Variants in VTI1A observed in about 807,000 individuals in gnomAD.
VTI1A encodes the protein vesicle transport through interaction with t-SNAREs homolog 1A.
VTI1A carries 22 observed loss-of-function variants against 34.9 expected under a neutral mutation model. That is an observed-to-expected ratio of 0.63 (90% CI 0.45 to 0.90). The LOEUF is 0.90. Ranked by LOEUF, VTI1A falls within the 40% of genes least tolerant of loss-of-function variation. The pLI, the probability that VTI1A is intolerant of heterozygous loss-of-function variation, is 0.00. For missense variants in VTI1A, 268 were observed against 275.6 expected (o/e 0.97, Z 0.20); for synonymous variants, 87 against 97.3 (o/e 0.89, Z 0.62).
At chr10:112,494,026 G>A (rs560698756) in intron 3 of VTI1A, among the ~76,000 whole-genome samples, 1 of 152,214 alleles carries the variant, frequency 6.6e-6, no homozygotes, top group East Asian at 1.9e-4. Flanking sequence ...ATTTTGTGTA[G>A]GGTTGTTTAT....
chr10:112,609,341 C>G (rs1463136168), intron 5 of VTI1A, among the ~76,000 whole-genome samples: 2 of 152,140 alleles, frequency 1.3e-5, no homozygotes, highest in Non-Finnish European at 2.9e-5. Context: ...AGCTTTGGAA[C>G]AAGATCATTA....
At position 112,637,066 on chromosome 10, in the gene VTI1A, T is replaced by C. The variant is rs1019305894; in HGVS notation, c.428-31152T>C. On this transcript the variant is annotated intron_variant, in intron 5 of 7. Coordinates refer to ENST00000393077, the MANE Select transcript of VTI1A (RefSeq NM_145206.4). The stretch of plus-strand genomic sequence containing the variant: ...AGACAGATATATTTAACTTAAATAA[T>C]GACATGAAGGCTTTTTTGAATGGTT... Among the ~76,000 whole-genome samples, 16 of 152,354 alleles carry C rather than the reference T, an allele frequency of 1.1e-4. 1 individual carries two copies. The East Asian group carries it at 3.1e-3, about 29-fold the overall frequency.
chr10:112,472,921 C>G (rs2134075629), intron 3 of VTI1A, among the ~76,000 whole-genome samples: 1 of 151,052 alleles, frequency 6.6e-6, no homozygotes, highest in East Asian at 1.9e-4. Context: ...TTGTTTGATT[C>G]TGTGTAAATA....
At chr10:112,580,080 T>A (rs1000441958) in intron 5 of VTI1A, among the ~76,000 whole-genome samples, 3 of 152,086 alleles carry the variant, frequency 2.0e-5, no homozygotes, top group African/African-American at 7.2e-5. Context: ...AGATCCCTGA[T>A]CATGTGTTGG....
intron 7 of VTI1A, among the ~76,000 whole-genome samples, chr10:112,719,487 A>G (rs375858625): frequency 6.6e-6 from 1 of 151,974 alleles, no homozygotes; most frequent in African/African-American, 2.4e-5. Flanking sequence ...AAAATGTACA[A>G]TTCAGTAGCT....
chr10:112,576,081 C>T (rs1843699208), intron 5 of VTI1A, among the ~76,000 whole-genome samples: 1 of 141,878 alleles, frequency 7.0e-6, no homozygotes, highest in South Asian at 2.2e-4. Flanking sequence ...ACTGCAGTGG[C>T]GCTATCTCGG....
intron 7 of VTI1A, among the ~76,000 whole-genome samples, chr10:112,692,942 G>A (rs563058122): frequency 6.6e-6 from 1 of 152,292 alleles, no homozygotes; most frequent in East Asian, 1.9e-4. Context: ...AGTAAATCTG[G>A]TGCCTTGTGC....
chr10:112,802,189 G>A (rs1013903390), intron 7 of VTI1A, among the ~76,000 whole-genome samples: 2 of 152,202 alleles, frequency 1.3e-5, no homozygotes, highest in East Asian at 3.8e-4. Context: ...AGGCTGTGGT[G>A]AGCAGTGCCA....
the VTI1A span, among the ~76,000 whole-genome samples, chr10:112,852,906 G>A: frequency 1.3e-5 from 2 of 152,208 alleles, no homozygotes; most frequent in African/African-American, 4.8e-5. Flanking sequence ...AGCCTCCCGA[G>A]TAAGTGGGAC....
chr10:112,771,961 A>G (rs1034313658), intron 7 of VTI1A, among the ~76,000 whole-genome samples: 5 of 152,216 alleles, frequency 3.3e-5, no homozygotes, highest in Non-Finnish European at 5.9e-5. Context: ...TCTTCAGCCA[A>G]TGGACATTTA....
chr10:112,635,867 A>G (rs892186292), intron 5 of VTI1A, among the ~76,000 whole-genome samples: 1 of 152,222 alleles, frequency 6.6e-6, no homozygotes, highest in Admixed American at 6.5e-5. Flanking sequence ...ATTCATGCCC[A>G]CTGAATTTAA....
At chr10:112,535,389 G>T (rs1246264175) in intron 4 of VTI1A, among the ~76,000 whole-genome samples, 1 of 152,130 alleles carries the variant, frequency 6.6e-6, no homozygotes, top group Non-Finnish European at 1.5e-5. Context: ...AGTAATCATA[G>T]AGAGAATGTT....
chr10:112,651,624 A>G (rs1186472883), intron 5 of VTI1A, among the ~76,000 whole-genome samples: 1 of 152,198 alleles, frequency 6.6e-6, no homozygotes, highest in East Asian at 1.9e-4. Context: ...TAGCCCTTCT[A>G]GTAGTTGATG....
chr10:112,473,077 A>G (rs116212005), intron 3 of VTI1A, among the ~76,000 whole-genome samples: 1,545 of 148,692 alleles, frequency 0.01, 25 homozygotes, highest in African/African-American at 0.035. Context: ...GTTTCATTTT[A>G]CATAACAATG....
rs1022752517 is a variant in VTI1A, at chr10:112,646,807, G to A, written c.428-21411G>A. 2.1e-4 allele frequency among the ~76,000 whole-genome samples: 32 copies of A among 152,028 alleles called. 1 individual carries two copies. The highest frequency in any genetic ancestry group is 1.8e-3 in the Admixed American group (27 of 15,262). The stretch of plus-strand genomic sequence containing the variant: ...ATTACAGGTGTGAGCCACCGCGCCC[G>A]GCTACCATGTTCTTTTGTTAGTTGA... On this transcript the variant is annotated intron_variant, in intron 5 of 7. Transcript: ENST00000393077.
At chr10:112,709,682 C>CA (rs557189298) in intron 7 of VTI1A, among the ~76,000 whole-genome samples, 3 of 70,256 alleles carry the variant, frequency 4.3e-5, no homozygotes, top group Non-Finnish European at 7.8e-5. Flanking sequence ...CTCTATGTGG[C>CA]TTTTTTTTTT....
At chr10:112,622,625 T>C (rs1845776332) in intron 5 of VTI1A, among the ~76,000 whole-genome samples, 1 of 152,212 alleles carries the variant, frequency 6.6e-6, no homozygotes, top group South Asian at 2.1e-4. Flanking sequence ...CATCAATTCC[T>C]ATAATTTAGA....
chr10:112,653,094 A>G (rs112122443), intron 5 of VTI1A, among the ~76,000 whole-genome samples: 9,576 of 152,250 alleles, frequency 0.063, 1,021 homozygotes, highest in African/African-American at 0.22. Context: ...TCCATTTGTT[A>G]CTTGGTGTAC....
chr10:112,770,543 C>A (rs1479037461), intron 7 of VTI1A, among the ~76,000 whole-genome samples: 1 of 151,382 alleles, frequency 6.6e-6, no homozygotes, highest in Non-Finnish European at 1.5e-5. Context: ...CTACAGGCGC[C>A]TGTCACCACG....
Sources: allele counts gnomAD v4.1 joint callset (sites outside exome capture counted in the v4.1 genomes callset), GRCh38; gene constraint gnomAD v4.1.1; transcripts MANE v1.5; gene names NCBI Gene and HGNC (gene_info 2026-07-23, HGNC 2026-07-21).